The following CHL1 variants were observed in gnomAD, a reference collection of about 807,000 sequenced individuals.
The protein encoded by CHL1 is cell adhesion molecule L1 like, also known as neural cell adhesion molecule L1-like protein.
A neutral mutation model predicts 141.9 loss-of-function variants in CHL1; 96 were observed. The observed-to-expected ratio is 0.68, with a 90% CI of 0.57 to 0.80. The LOEUF (loss-of-function observed/expected upper bound fraction) is 0.80. CHL1 is among the 30% of genes least tolerant of loss of function. The pLI, the probability that CHL1 is intolerant of heterozygous loss-of-function variation, is 0.00. For synonymous variants in CHL1, 613 were observed against 502.2 expected (o/e 1.22, Z -2.95); for missense variants, 1,820 against 1,457.2 (o/e 1.25, Z -4.05).
chr3:398,472 T>C (rs982553442), intron 25 of CHL1, 87 bp downstream of exon 25: 2 of 681,772 alleles, frequency 2.9e-6, no homozygotes, highest in Middle Eastern at 5.8e-4. Context: ...ATATTAAACA[T>C]AAAAACACTG....
intron 5 of CHL1, among the ~76,000 whole-genome samples, chr3:334,448 C>T (rs367575874): frequency 4.6e-5 from 7 of 152,072 alleles, no homozygotes; most frequent in African/African-American, 1.7e-4. Context: ...TCTCTGTTCC[C>T]ATCTCCAGGC....
intron 5 of CHL1, among the ~76,000 whole-genome samples, chr3:337,708 T>G (rs1458096000): frequency 6.6e-6 from 1 of 152,232 alleles, no homozygotes; most frequent in Non-Finnish European, 1.5e-5. Context: ...ATCATTTTTA[T>G]GGCTTCATAG....
intron 5 of CHL1, among the ~76,000 whole-genome samples, chr3:333,347 A>G (rs1422559117): frequency 2.0e-5 from 3 of 152,024 alleles, no homozygotes; most frequent in Non-Finnish European, 4.4e-5. Context: ...CTTAAACTGT[A>G]GAGAATTGGT....
intron 27 of CHL1, among the ~76,000 whole-genome samples, chr3:404,881 A>C (rs1057344648): frequency 6.6e-6 from 1 of 152,172 alleles, no homozygotes; most frequent in Admixed American, 6.5e-5. Context: ...ACAGAAACTT[A>C]ATTCCCACAG....
chr3:276,891 A>T (rs1044623863), intron 2 of CHL1, among the ~76,000 whole-genome samples: 28 of 32,320 alleles, frequency 8.7e-4, no homozygotes, highest in African/African-American at 2.9e-3. Flanking sequence ...TCCGTCTCCT[A>T]AAAAAAAAAA....
chr3:246,417 C>G (rs890965619), intron 2 of CHL1, among the ~76,000 whole-genome samples: 3 of 152,012 alleles, frequency 2.0e-5, no homozygotes, highest in African/African-American at 7.2e-5. Context: ...TTTAATTCTA[C>G]AAAATAAGTT....
In CHL1 at chr3:405,994, C is replaced by T. The variant is rs113324130; in HGVS notation, c.*283C>T. 2 of 343,010 alleles carry T rather than the reference C, an allele frequency of 5.8e-6. No individual in the cohort carries two copies. Among genetic ancestry groups the T allele is most frequent in the African/African-American group, 2.1e-5 (1 of 47,232 alleles). The allele number at this position is 343,010 out of a possible 1,614,324, so 21.2% of individuals were successfully genotyped here. A position where few individuals can be genotyped will look rare whatever the true frequency, so the allele number is the denominator to read the frequency against. ...ACACCTCAACTAAATCCAAAGTCCC[C>T]ATTCAGTATATTCCATATTTGCCTG... On this transcript the variant is annotated 3_prime_UTR_variant, in exon 28 of 28. Transcript: ENST00000256509.
chr3:248,976 G>A (rs750961612), intron 2 of CHL1, among the ~76,000 whole-genome samples: 2 of 152,188 alleles, frequency 1.3e-5, no homozygotes, highest in Non-Finnish European at 2.9e-5. Flanking sequence ...AAAATCCAAT[G>A]AAAGGAGAAA....
At chr3:327,580 T>G (rs1245809209) in intron 4 of CHL1, among the ~76,000 whole-genome samples, 1 of 151,984 alleles carries the variant, frequency 6.6e-6, no homozygotes, top group African/African-American at 2.4e-5. Context: ...ACAATATTGT[T>G]CATAAAAGGA....
chr3:245,140 C>T (rs1693042644), intron 2 of CHL1, among the ~76,000 whole-genome samples: 1 of 152,136 alleles, frequency 6.6e-6, no homozygotes, highest in African/African-American at 2.4e-5. Flanking sequence ...CGACTTACAG[C>T]TTCAGTCACT....
intron 27 of CHL1, 123 bp downstream of exon 27, chr3:401,821 G>T (rs1709162872): frequency 3.5e-6 from 2 of 571,358 alleles, no homozygotes; most frequent in Admixed American, 7.9e-5. Flanking sequence ...ACCCTATAAA[G>T]AATACTTTGT....
chr3:274,658 T>C (rs538080636), intron 2 of CHL1, among the ~76,000 whole-genome samples: 58 of 152,348 alleles, frequency 3.8e-4, no homozygotes, highest in South Asian at 1.7e-3. Context: ...CAGCATACAG[T>C]GTGATGCTCA....
At chr3:239,961 A>G (rs1384611750) in intron 1 of CHL1, among the ~76,000 whole-genome samples, 4 of 152,122 alleles carry the variant, frequency 2.6e-5, no homozygotes, top group Non-Finnish European at 4.4e-5. Context: ...TCCATCATAT[A>G]TATTTACCAC....
At position 363,226 on chromosome 3, in the gene CHL1, G is replaced by A. The variant is rs1312334803; in HGVS notation, c.1428G>A (p.Val476=). 1.2e-6 allele frequency: 2 copies of A among 1,609,420 alleles called. No homozygotes were observed. The highest frequency in any genetic ancestry group is 2.2e-5 in the East Asian group (1 of 44,848). The part of the protein sequence containing the change: ...SPEAVVSWQK[V]EEVKPLEGRR... ...CTTTCTTTGTCCATAGGCAGAAGGT[G>A]GAAGAAGTGAAACCCCTGGAGGGCA... Residue 476 remains valine, a synonymous_variant, in exon 14 of 28, where the codon GTG becomes GTA. Transcript: ENST00000256509.
chr3:211,106 G>A (rs539411145), intron 1 of CHL1, among the ~76,000 whole-genome samples: 76 of 152,174 alleles, frequency 5.0e-4, no homozygotes, highest in African/African-American at 1.7e-3. Context: ...AAAGGGCCAC[G>A]GTGAACCCCA....
chr3:372,277 C>G (rs1009426773), intron 15 of CHL1, among the ~76,000 whole-genome samples: 1 of 152,098 alleles, frequency 6.6e-6, no homozygotes, highest in African/African-American at 2.4e-5. Flanking sequence ...TTATGAAGTC[C>G]CGTATTTCTT....
At position 209,545 on chromosome 3, in the gene CHL1, TC is replaced by T. The variant is rs1225193768; in HGVS notation, c.-175+12483del. Among the ~76,000 whole-genome samples the T allele has an allele frequency of 4.6e-5, 7 of 152,306 alleles. No individual in the cohort carries two copies. The East Asian group carries it at 1.4e-3, about 29-fold the overall frequency. On this transcript the variant is annotated intron_variant, in intron 1 of 27. Transcript: ENST00000256509. Reference sequence around the variant, plus strand: ...TTGTTCAATAATGTTAAATACAAATTCTTAACAGAACCCTAATCTTTTTTTT... The same window carrying T: ...TTGTTCAATAATGTTAAATACAAATTTTAACAGAACCCTAATCTTTTTTTT...
chr3:208,916 A>T (rs995867734), intron 1 of CHL1, among the ~76,000 whole-genome samples: 2 of 152,220 alleles, frequency 1.3e-5, no homozygotes, highest in African/African-American at 4.8e-5. Flanking sequence ...AAAATATCAG[A>T]TGGTACAGGG....
At chr3:237,330 G>T (rs1222106206) in intron 1 of CHL1, among the ~76,000 whole-genome samples, 1 of 152,188 alleles carries the variant, frequency 6.6e-6, no homozygotes, top group Non-Finnish European at 1.5e-5. Context: ...CTTCTGCCAT[G>T]ATTGTAAGTC....
Sources: gnomAD v4.1 joint callset for allele counts (sites outside exome capture counted in the v4.1 genomes callset) on GRCh38, gnomAD v4.1.1 for gene constraint, MANE v1.5 for transcripts, NCBI Gene and HGNC (gene_info 2026-07-23, HGNC 2026-07-21) for gene names.